The following KIFC3 variants were observed in gnomAD, a reference collection of about 807,000 sequenced individuals.
KIFC3 encodes kinesin family member C3.
KIFC3 carries 60 observed loss-of-function variants against 101.8 expected under a neutral mutation model. That is an observed-to-expected ratio of 0.59 (90% CI 0.48 to 0.73). The LOEUF (loss-of-function observed/expected upper bound fraction) is 0.73, where lower values mean the gene tolerates loss of function less well. KIFC3 is among the 30% of genes least tolerant of loss of function. The pLI is 0.00. For synonymous variants in KIFC3, 476 were observed against 482.7 expected (o/e 0.99, Z 0.18); for missense variants, 966 against 1,137.1 (o/e 0.85, Z 2.16).
chr16:57,776,151 G>A (rs1428154098), intron 3 of KIFC3: 20 of 985,278 alleles, frequency 2.0e-5, no homozygotes, highest in South Asian at 1.4e-4. Context: ...CCCAGTCAAC[G>A]ATCATCAGCT....
rs1002085568 is a variant in KIFC3 at position 57,771,279 on chromosome 16, C to T, written c.684G>A (p.Gln228=). The T allele has an allele frequency of 6.2e-7, 1 of 1,613,546 alleles. No individual in the cohort carries two copies. The highest frequency in any genetic ancestry group is 8.5e-7 in the Non-Finnish European group (1 of 1,180,030). Reference sequence around the variant, plus strand: ...GGCGCCGACTAAGCCGCTCCTCCTCCTGTGCCTTCTCAGCCAGGCAGTCCT... The same window carrying T: ...GGCGCCGACTAAGCCGCTCCTCCTCTTGTGCCTTCTCAGCCAGGCAGTCCT... ...RLKDCLAEKA[Q]EEERLSRRLR... The change falls in exon 6 of 20, where the codon CAG becomes CAA. Residue 228 remains glutamine, a synonymous_variant. Coordinates refer to ENST00000445690, the MANE Select transcript of KIFC3 (RefSeq NM_001130100.2).
At position 57,792,960 on chromosome 16, in the gene KIFC3, G is replaced by T. The variant is rs1400777605; in HGVS notation, c.315+2039C>A. Among the ~76,000 whole-genome samples the T allele has an allele frequency of 4.6e-5, 7 of 151,130 alleles. No homozygotes were observed. In the East Asian group the frequency reaches 1.4e-3, roughly 29 times the overall value. ...GACTTACTTGAGGGAAAGAGCTAGT[G>T]ACAGAATAACATGTAAAATAAATAA... is the stretch of plus-strand genomic sequence containing the variant. On this transcript the variant is annotated intron_variant, in intron 3 of 19. Coordinates refer to ENST00000445690, the MANE Select transcript of KIFC3 (RefSeq NM_001130100.2).
At chr16:57,772,121 C>A in intron 4 of KIFC3, 102 bp downstream of exon 4, 20 of 980,492 alleles carry the variant, frequency 2.0e-5, no homozygotes, top group African/African-American at 3.2e-5. Flanking sequence ...GTGGGATATG[C>A]GGGCTCAGGA....
chr16:57,827,292 C>T lies in KIFC3; in HGVS notation c.109-29010G>A, dbSNP rs1422368251. On this transcript the variant is annotated intron_variant, in intron 1 of 2. Transcript: ENST00000563028. ...GCTTCCCTTGGGCCATGGCCACAGG[C>T]CACATCTCAGTGTCTGGTTGGCTCT... is the stretch of plus-strand genomic sequence containing the variant. 4.6e-5 allele frequency among the ~76,000 whole-genome samples: 7 copies of T among 152,236 alleles called. No homozygotes were observed. In the East Asian group the frequency reaches 1.3e-3, roughly 29 times the overall value.
At position 57,798,110 on chromosome 16, in the gene KIFC3, C is replaced by A; in HGVS notation, c.134G>T (p.Arg45Leu). 1 of 1,582,596 alleles carries A rather than the reference C, an allele frequency of 6.3e-7. No homozygotes were observed. The highest frequency in any genetic ancestry group is 8.6e-7 in the Non-Finnish European group (1 of 1,164,856). ...PAPAPASPAA[R>L]PFPHTGPGRL... Reference sequence around the variant, plus strand: ...CCCCGGGCCGGTGTGTGGGAAAGGGCGGGCGGCCGGGCTGGCTGGGGCTGG... The same window carrying A: ...CCCCGGGCCGGTGTGTGGGAAAGGGAGGGCGGCCGGGCTGGCTGGGGCTGG... Residue 45 changes from arginine to leucine, a missense_variant, in exon 2 of 20, where the codon CGC becomes CTC. Arg to Leu is a moderately radical substitution (Grantham distance 102). This residue lies in a region of KIFC3 where 277 missense variants were observed against 252.5 expected (regional missense o/e 1.10). Transcript: ENST00000445690.
At chr16:57,838,892 G>A (rs768627065) in intron 1 of KIFC3, among the ~76,000 whole-genome samples, 2 of 152,150 alleles carry the variant, frequency 1.3e-5, no homozygotes, top group South Asian at 2.1e-4. Context: ...GCTGCGTTAC[G>A]CTTTCGGTGG....
chr16:57,778,424 G>T (rs1346347710), intron 3 of KIFC3, among the ~76,000 whole-genome samples: 1 of 152,030 alleles, frequency 6.6e-6, no homozygotes, highest in Non-Finnish European at 1.5e-5. Context: ...GGCAATAAAA[G>T]AAAAAATAGG....
intron 2 of KIFC3, among the ~76,000 whole-genome samples, chr16:57,795,891 T>TG (rs1555622686): frequency 6.4e-5 from 6 of 93,640 alleles, no homozygotes; most frequent in African/African-American, 1.8e-4. Context: ...TTTGTTTTTT[T>TG]TTTTTTTTTT....
intron 1 of KIFC3, among the ~76,000 whole-genome samples, chr16:57,844,844 G>A (rs536036857): frequency 2.0e-5 from 3 of 152,232 alleles, no homozygotes; most frequent in East Asian, 1.9e-4. Flanking sequence ...ACCCTGCAGC[G>A]GCTGTGGTGT....
chr16:57,836,441 T>G (rs916590883), intron 1 of KIFC3, among the ~76,000 whole-genome samples: 2 of 151,968 alleles, frequency 1.3e-5, no homozygotes, highest in Admixed American at 6.6e-5. Context: ...TTGGCCCTTA[T>G]CAGCTTGGTG....
At chr16:57,815,824 A>C (rs1434531362) in intron 1 of KIFC3, among the ~76,000 whole-genome samples, 1 of 152,086 alleles carries the variant, frequency 6.6e-6, no homozygotes, top group Non-Finnish European at 1.5e-5. Context: ...AAACACCCCC[A>C]GACTCCTTTC....
chr16:57,785,766 G>A (rs1416803503), intron 3 of KIFC3: 2 of 691,494 alleles, frequency 2.9e-6, no homozygotes, highest in African/African-American at 3.8e-5. Flanking sequence ...GATGATAGAG[G>A]TGCAAGCAGA....
intron 17 of KIFC3, 34 bp downstream of exon 17, chr16:57,760,248 G>GC: frequency 6.3e-7 from 1 of 1,592,534 alleles, no homozygotes; most frequent in Non-Finnish European, 8.6e-7. Context: ...CTGACCCAGG[G>GC]CCACCTGAGC....
chr16:57,841,164 A>C (rs1308388497), intron 1 of KIFC3, among the ~76,000 whole-genome samples: 1 of 152,242 alleles, frequency 6.6e-6, no homozygotes, highest in Admixed American at 6.5e-5. Flanking sequence ...GGACCGTAAC[A>C]GTGGTGGAAA....
intron 1 of KIFC3, among the ~76,000 whole-genome samples, chr16:57,817,232 G>A (rs2055248608): frequency 6.6e-6 from 1 of 152,048 alleles, no homozygotes; most frequent in Non-Finnish European, 1.5e-5. Context: ...GGTGGTAGGA[G>A]CCTGTAGTCC....
chr16:57,787,056 G>C (rs1417630045), intron 3 of KIFC3, among the ~76,000 whole-genome samples: 1 of 152,246 alleles, frequency 6.6e-6, no homozygotes, highest in Non-Finnish European at 1.5e-5. Context: ...ATGTCACACA[G>C]AGCTGGCCAA....
chr16:57,815,391 C>T (rs2055197052), intron 1 of KIFC3: 1 of 1,162,880 alleles, frequency 8.6e-7, no homozygotes. Context: ...TAGAGATCCA[C>T]ACCGCACCCC....
intron 1 of KIFC3, chr16:57,815,535 C>T (rs2055199813): frequency 7.8e-7 from 1 of 1,286,078 alleles, no homozygotes; most frequent in African/African-American, 1.5e-5. Flanking sequence ...ACTCTTCTAC[C>T]AGGATGCCCT....
At chr16:57,803,167 C>G, upstream of KIFC3, 3 of 842,296 alleles carry the variant, frequency 3.6e-6, no homozygotes, top group Non-Finnish European at 5.8e-6. Context: ...CCTGGAGTCC[C>G]TTAAGGTAAA....
Sources: gnomAD v4.1 joint callset for allele counts (sites outside exome capture counted in the v4.1 genomes callset) on GRCh38, gnomAD v4.1.1 for gene constraint, gnomAD v4.1.1 regional missense constraint, MANE v1.5 for transcripts, NCBI Gene and HGNC (gene_info 2026-07-23, HGNC 2026-07-21) for gene names.